SPAG16: variants seen among roughly 807,000 people sequenced by gnomAD.
SPAG16 encodes sperm associated antigen 16.
A neutral mutation model predicts 80.4 loss-of-function variants in SPAG16; 86 were observed. The observed-to-expected ratio is 1.07, with a 90% CI of 0.90 to 1.28. The LOEUF is 1.28. Among genes scored for constraint, SPAG16 ranks in the 50% most tolerant of loss-of-function variants. The pLI is 0.00. For synonymous variants in SPAG16, 294 were observed against 265.9 expected (o/e 1.11, Z -1.03); for missense variants, 870 against 765.3 (o/e 1.14, Z -1.61).
At chr2:214,323,930 T>C (rs1304776805) in intron 15 of SPAG16, among the ~76,000 whole-genome samples, 1 of 152,230 alleles carries the variant, frequency 6.6e-6, no homozygotes, top group African/African-American at 2.4e-5. Context: ...CAAACTTGAA[T>C]TTTTTTGGTC....
chr2:214,186,411 G>T (rs931145786), intron 15 of SPAG16, among the ~76,000 whole-genome samples: 1 of 152,138 alleles, frequency 6.6e-6, no homozygotes, highest in African/African-American at 2.4e-5. Flanking sequence ...GGAGAGAGGG[G>T]AAGATGAAAG....
chr2:213,919,188 C>T (rs1003640762), intron 11 of SPAG16, among the ~76,000 whole-genome samples: 1 of 151,544 alleles, frequency 6.6e-6, no homozygotes, highest in Non-Finnish European at 1.5e-5. Context: ...GTTTTGGGGT[C>T]AGTTTAATCT....
intron 14 of SPAG16, among the ~76,000 whole-genome samples, chr2:214,117,605 A>G (rs139088260): frequency 7.5e-4 from 115 of 152,322 alleles, no homozygotes; most frequent in African/African-American, 2.6e-3. Context: ...AAAAACTCTC[A>G]AGAAAACACT....
chr2:213,490,455 A>G (rs879841458), intron 10 of SPAG16, among the ~76,000 whole-genome samples: 1 of 152,074 alleles, frequency 6.6e-6, no homozygotes, highest in Non-Finnish European at 1.5e-5. Context: ...CCTGTTAATA[A>G]GTTCTTTTTA....
Position 213,870,749 on chromosome 2 carries a change from C to T in SPAG16, c.1214+8121C>T, listed in dbSNP as rs1056344787. Among the ~76,000 whole-genome samples the T allele has an allele frequency of 3.9e-5, 6 of 152,120 alleles. No individual in the cohort carries two copies. In the East Asian group the frequency reaches 1.2e-3, roughly 29 times the overall value. ...TTGTTTGGCAGAAGTAGGATTCTAA[C>T]CTAGGTCTGGTTTGCTGTAAAACTA... On this transcript the variant is annotated intron_variant, in intron 11 of 15. Coordinates refer to ENST00000331683, the MANE Select transcript of SPAG16 (RefSeq NM_024532.5).
At chr2:213,633,652 A>T (rs1264480767) in intron 10 of SPAG16, among the ~76,000 whole-genome samples, 2 of 151,982 alleles carry the variant, frequency 1.3e-5, no homozygotes, top group East Asian at 3.9e-4. Context: ...TTGTATTGGG[A>T]CTATCTCTCT....
chr2:214,319,966 A>G (rs1447292785), intron 15 of SPAG16, among the ~76,000 whole-genome samples: 1 of 152,072 alleles, frequency 6.6e-6, no homozygotes, highest in Non-Finnish European at 1.5e-5. Flanking sequence ...ACATCTTAAA[A>G]TGTTACTCTA....
At chr2:213,869,679 A>G (rs1207918525) in intron 11 of SPAG16, among the ~76,000 whole-genome samples, 3 of 147,626 alleles carry the variant, frequency 2.0e-5, no homozygotes, top group East Asian at 2.0e-4. Context: ...TCCAAAAGTA[A>G]TACAGGATCA....
chr2:213,982,595 C>A (rs2045806469), intron 12 of SPAG16, among the ~76,000 whole-genome samples: 1 of 143,310 alleles, frequency 7.0e-6, no homozygotes, highest in African/African-American at 2.6e-5. Context: ...AACTTGTTAC[C>A]AAGGTATAGT....
chr2:214,068,030 G>A (rs1020657634), intron 13 of SPAG16, among the ~76,000 whole-genome samples: 8 of 152,034 alleles, frequency 5.3e-5, no homozygotes, highest in Admixed American at 1.3e-4. Context: ...TATGGAAGCC[G>A]TGCAGTATAA....
intron 12 of SPAG16, among the ~76,000 whole-genome samples, chr2:213,973,086 CT>C (rs141961395): frequency 0.011 from 1,652 of 152,286 alleles, 31 homozygotes; most frequent in African/African-American, 0.038. Flanking sequence ...CTGGCCCAAC[CT>C]TTACTTCCTA....
intron 7 of SPAG16, 118 bp downstream of exon 7, chr2:213,350,763 A>T (rs1004022557): frequency 6.7e-6 from 4 of 595,136 alleles, no homozygotes; most frequent in Non-Finnish European, 8.6e-6. Context: ...ACCAACTTTC[A>T]TGTAAAAGAG....
At chr2:214,347,571 A>T (rs890987615) in intron 15 of SPAG16, among the ~76,000 whole-genome samples, 2 of 152,138 alleles carry the variant, frequency 1.3e-5, no homozygotes, top group Admixed American at 1.3e-4. Context: ...GTTAAACAAG[A>T]GTCTTAAGTA....
intron 10 of SPAG16, among the ~76,000 whole-genome samples, chr2:213,712,000 A>T (rs1449070264): frequency 2.0e-5 from 3 of 151,880 alleles, no homozygotes; most frequent in Non-Finnish European, 4.4e-5. Flanking sequence ...ACACAATTCC[A>T]GGAGGCACCA....
chr2:213,868,692 C>T (rs79055393), intron 11 of SPAG16, among the ~76,000 whole-genome samples: 2,208 of 152,286 alleles, frequency 0.014, 58 homozygotes, highest in African/African-American at 0.05. Context: ...TAAGTGAAAG[C>T]AGTGGGATTA....
In SPAG16 at chr2:214,016,160, C is replaced by A. The variant is rs148701734; in HGVS notation, c.1527+2083C>A. The stretch of plus-strand genomic sequence containing the variant: ...TTGATTTTAATAAAAGTGTTTTAGT[C>A]TGTTCTCACCCTGCTGATAAAGACA... On this transcript the variant is annotated intron_variant, in intron 13 of 15. Transcript: ENST00000331683. 1.8e-3 allele frequency among the ~76,000 whole-genome samples: 281 copies of A among 152,154 alleles called. 2 individuals are homozygous for A. The highest frequency in any genetic ancestry group is 6.0e-3 in the African/African-American group (251 of 41,518).
At chr2:214,014,180 C>T (rs1479548992) in intron 13 of SPAG16, 103 bp downstream of exon 13, 30 of 1,396,384 alleles carry the variant, frequency 2.1e-5, no homozygotes, top group Non-Finnish European at 2.8e-5. Context: ...TGTGCAAGGG[C>T]ATTCAGGGCA....
chr2:214,126,466 T>C (rs1235240590), intron 14 of SPAG16, among the ~76,000 whole-genome samples: 3 of 151,598 alleles, frequency 2.0e-5, no homozygotes, highest in African/African-American at 7.3e-5. Flanking sequence ...TGGTTTATGG[T>C]CATCAACATG....
chr2:214,281,959 GATCTGTA>G (rs1191706959), intron 15 of SPAG16, among the ~76,000 whole-genome samples: 1 of 152,152 alleles, frequency 6.6e-6, no homozygotes. Flanking sequence ...AATGCAAAGT[GATCTGTA>G]TAACTGAAAG....
Sources: allele counts gnomAD v4.1 joint callset (sites outside exome capture counted in the v4.1 genomes callset), GRCh38; gene constraint gnomAD v4.1.1; transcripts MANE v1.5; gene names NCBI Gene and HGNC (gene_info 2026-07-23, HGNC 2026-07-21).